Variants in IL23R observed in about 807,000 individuals in gnomAD.
The protein encoded by IL23R is interleukin-23 receptor.
IL23R carries 34 observed loss-of-function variants against 56.9 expected under a neutral mutation model. The observed-to-expected ratio is 0.60, with a 90% CI of 0.45 to 0.80. The LOEUF is 0.80. Ranked by LOEUF, IL23R falls within the 30% of genes least tolerant of loss-of-function variation. The probability of loss-of-function intolerance (pLI) is 0.00; values close to 1 mark genes in which losing one functional copy is unlikely to be tolerated. For missense variants in IL23R, 635 were observed against 730.0 expected (o/e 0.87, Z 1.50); for synonymous variants, 230 against 249.2 (o/e 0.92, Z 0.73).
At chr1:67,162,533 G>A (rs1479035656), upstream of IL23R, among the ~76,000 whole-genome samples, 3 of 152,084 alleles carry the variant, frequency 2.0e-5, no homozygotes, top group Non-Finnish European at 4.4e-5. Flanking sequence ...ATATTCCTTC[G>A]ATATCCTAGA....
chr1:67,258,373 G>C, intron 10 of IL23R, 105 bp from the exon 11 acceptor site: 1 of 761,660 alleles, frequency 1.3e-6, no homozygotes, highest in South Asian at 2.1e-5. Context: ...AAAATGGAGG[G>C]AGAAAGGAAA....
intron 9 of IL23R, among the ~76,000 whole-genome samples, chr1:67,253,638 C>T (rs1331259657): frequency 6.6e-6 from 1 of 152,162 alleles, no homozygotes; most frequent in Non-Finnish European, 1.5e-5. Flanking sequence ...CATTAATAAA[C>T]ATATTCCTAA....
chr1:67,207,151 G>T (rs746194905), intron 6 of IL23R, 96 bp downstream of exon 6: 14 of 1,258,668 alleles, frequency 1.1e-5, no homozygotes, highest in Admixed American at 5.2e-5. Flanking sequence ...TATTTTACAT[G>T]TTTTTAATCT....
intron 7 of IL23R, among the ~76,000 whole-genome samples, chr1:67,222,097 TCTTTC>T: frequency 7.4e-6 from 1 of 134,244 alleles, no homozygotes; most frequent in African/African-American, 3.0e-5. Flanking sequence ...TTTCTTTCTT[TCTTTC>T]TTTTTTTTTT....
Position 67,206,948 on chromosome 1 carries a change from A to G in IL23R, c.691A>G (p.Ile231Val), listed in dbSNP as rs778411499. 11 of 1,596,328 alleles carry G rather than the reference A, an allele frequency of 6.9e-6. No individual in the cohort carries two copies. Among genetic ancestry groups the G allele is most frequent in the Non-Finnish European group, 8.5e-6 (10 of 1,176,832 alleles). Residue 231 changes from isoleucine to valine, a missense_variant, in exon 6 of 11, where the codon ATA becomes GTA. Ile to Val is a conservative substitution (Grantham distance 29, BLOSUM62 3). Coordinates refer to ENST00000347310, the MANE Select transcript of IL23R (RefSeq NM_144701.3). ...AGCCGTCATTTCCAGGGCTGAGACT[A>G]TAAATGCTACAGTGCCCAAGACCAT... ...SAAVISRAET[I>V]NATVPKTIIY...
chr1:67,150,045 G>A (rs1646714302), intron 1 of IL23R, among the ~76,000 whole-genome samples: 1 of 151,986 alleles, frequency 6.6e-6, no homozygotes, highest in African/African-American at 2.4e-5. Flanking sequence ...GAATTTTCTG[G>A]GCTCAATCCT....
intron 6 of IL23R, among the ~76,000 whole-genome samples, chr1:67,209,826 G>C (rs1649334309): frequency 6.6e-6 from 1 of 152,290 alleles, no homozygotes; most frequent in Non-Finnish European, 1.5e-5. Context: ...ACAGAGAACT[G>C]TTTCCTCAAA....
chr1:67,177,559 T>G (rs1647027808), intron 3 of IL23R, among the ~76,000 whole-genome samples: 2 of 151,910 alleles, frequency 1.3e-5, no homozygotes, highest in African/African-American at 2.4e-5. Context: ...TTTCTCCCAT[T>G]CTGTAGGTTG....
At chr1:67,253,387 T>C (rs1570929969) in intron 9 of IL23R, among the ~76,000 whole-genome samples, 1 of 152,360 alleles carries the variant, frequency 6.6e-6, no homozygotes, top group East Asian at 1.9e-4. Context: ...AGTTGTTTGG[T>C]GTGGCAGTTC....
chr1:67,151,515 G>GT (rs1491151427), intron 1 of IL23R, among the ~76,000 whole-genome samples: 1 of 152,178 alleles, frequency 6.6e-6, no homozygotes, highest in Non-Finnish European at 1.5e-5. Context: ...TCATCATGAA[G>GT]TCTTTGCCCA....
upstream of IL23R, among the ~76,000 whole-genome samples, chr1:67,164,393 G>A (rs1646851126): frequency 6.6e-6 from 1 of 152,176 alleles, no homozygotes; most frequent in South Asian, 2.1e-4. Context: ...AGCACTTTGG[G>A]AGGCCAAGGC....
chr1:67,200,704 C>G, intron 4 of IL23R, 33 bp from the exon 5 acceptor site: 1 of 1,605,352 alleles, frequency 6.2e-7, no homozygotes, highest in South Asian at 1.1e-5. Context: ...AAACTAAATA[C>G]AATTTATGAT....
intron 10 of IL23R, 65 bp from the exon 11 acceptor site, chr1:67,258,413 T>C: frequency 2.4e-6 from 3 of 1,269,826 alleles, no homozygotes; most frequent in Non-Finnish European, 2.2e-6. Flanking sequence ...CCTATCCTCA[T>C]TCAATTATCC....
At chr1:67,260,720 G>A (rs921928556), downstream of IL23R, among the ~76,000 whole-genome samples, 1 of 152,114 alleles carries the variant, frequency 6.6e-6, no homozygotes, top group African/African-American at 2.4e-5. Context: ...CAACTTTTCT[G>A]AATGATCAGA....
intron 7 of IL23R, among the ~76,000 whole-genome samples, chr1:67,229,122 G>T (rs1650930865): frequency 6.6e-6 from 1 of 152,160 alleles, no homozygotes; most frequent in Non-Finnish European, 1.5e-5. Flanking sequence ...CCTAGACATA[G>T]TGTCAGATCC....
downstream of IL23R, among the ~76,000 whole-genome samples, chr1:67,261,277 A>G (rs1653193511): frequency 6.6e-6 from 1 of 151,508 alleles, no homozygotes; most frequent in Non-Finnish European, 1.5e-5. Flanking sequence ...ACTCAAGACT[A>G]CTTAATGTCC....
At chr1:67,243,810 T>C (rs1479218739) in intron 9 of IL23R, among the ~76,000 whole-genome samples, 1 of 152,200 alleles carries the variant, frequency 6.6e-6, no homozygotes, top group African/African-American at 2.4e-5. Flanking sequence ...TTTATAATCC[T>C]TTGGGTATAT....
intron 4 of IL23R, among the ~76,000 whole-genome samples, chr1:67,192,782 C>T (rs1647846472): frequency 6.6e-6 from 1 of 152,170 alleles, no homozygotes; most frequent in Non-Finnish European, 1.5e-5. Context: ...AAAATGACCT[C>T]ACCACCTACA....
chr1:67,174,034 T>C (rs551307670), intron 3 of IL23R, among the ~76,000 whole-genome samples: 2 of 152,362 alleles, frequency 1.3e-5, no homozygotes, highest in Admixed American at 1.3e-4. Context: ...TGTTTAGGAC[T>C]GTATTATAGT....
Sources: gnomAD v4.1 joint callset for allele counts (sites outside exome capture counted in the v4.1 genomes callset) on GRCh38, gnomAD v4.1.1 for gene constraint, MANE v1.5 for transcripts, NCBI Gene and HGNC (gene_info 2026-07-23, HGNC 2026-07-21) for gene names.